Variants in NAALADL2 observed in about 807,000 individuals in gnomAD.
The protein encoded by NAALADL2 is N-acetylated alpha-linked acidic dipeptidase like 2.
A neutral mutation model predicts 87.2 loss-of-function variants in NAALADL2; 76 were observed. The observed-to-expected ratio is 0.87, with a 90% CI of 0.72 to 1.05. The LOEUF (loss-of-function observed/expected upper bound fraction) is 1.05, where lower values mean the gene tolerates loss of function less well. Among genes scored for constraint, NAALADL2 ranks in the 50% least tolerant of loss-of-function variants. NAALADL2 has a pLI of 0.00. For missense variants in NAALADL2, 1,089 were observed against 945.8 expected (o/e 1.15, Z -1.99); for synonymous variants, 354 against 331.0 (o/e 1.07, Z -0.75).
intron 3 of NAALADL2, among the ~76,000 whole-genome samples, chr3:174,818,139 T>C (rs890665113): frequency 2.0e-5 from 3 of 152,158 alleles, no homozygotes; most frequent in African/African-American, 7.2e-5. Flanking sequence ...CTTTACCCCG[T>C]TGTGTCCTTC....
chr3:174,958,077 C>T (rs184334039), intron 1 of NAALADL2, among the ~76,000 whole-genome samples: 18 of 151,942 alleles, frequency 1.2e-4, no homozygotes, highest in African/African-American at 4.1e-4. Flanking sequence ...AGTCCATCCT[C>T]CCCTCCGGAA....
In NAALADL2 at chr3:174,464,802, G is replaced by A. The variant is rs146642899; in HGVS notation, c.-184+23770G>A. 1.7e-3 allele frequency among the ~76,000 whole-genome samples: 262 copies of A among 152,014 alleles called. 1 individual carries two copies. Among genetic ancestry groups the A allele is most frequent in the African/African-American group, 6.2e-3 (256 of 41,518 alleles). On this transcript the variant is annotated intron_variant, in intron 1 of 3. Transcript: ENST00000434257. Reference sequence around the variant, plus strand: ...TTTCAGGTAGATAACAGTACTCTAAGATGTCCTATTAGGATTCACTCTTCA... The same window carrying A: ...TTTCAGGTAGATAACAGTACTCTAAAATGTCCTATTAGGATTCACTCTTCA...
chr3:175,779,522 T>G (rs1750727906), intron 13 of NAALADL2, among the ~76,000 whole-genome samples: 1 of 152,230 alleles, frequency 6.6e-6, no homozygotes, highest in South Asian at 2.1e-4. Flanking sequence ...TAATGTATTC[T>G]TCATAGCATT....
At chr3:175,631,504 A>C (rs1353974651) in intron 11 of NAALADL2, among the ~76,000 whole-genome samples, 2 of 147,896 alleles carry the variant, frequency 1.4e-5, no homozygotes, top group African/African-American at 2.5e-5. Context: ...TCTTTTTGAT[A>C]TAAAGCATGA....
chr3:174,778,471 G>GTTAT lies in NAALADL2; in HGVS notation c.-9+40742_-9+40745dup, dbSNP rs928284262. 2.7e-4 allele frequency among the ~76,000 whole-genome samples: 41 copies of GTTAT among 151,936 alleles called. 1 individual carries two copies. Among genetic ancestry groups the GTTAT allele is most frequent in the Admixed American group, 7.9e-4 (12 of 15,210 alleles). Reference sequence around the variant, plus strand: ...CTCTGCACCAGGTTTGGGTTAGGATGTTATTTATTTATTTATTTATGTTTA... The same window carrying GTTAT: ...CTCTGCACCAGGTTTGGGTTAGGATGTTATTTATTTATTTATTTATTTATGTTTA... On this transcript the variant is annotated intron_variant, in intron 3 of 3. Coordinates refer to the NAALADL2 transcript ENST00000434257.
chr3:174,498,386 T>G (rs996810967), intron 1 of NAALADL2, among the ~76,000 whole-genome samples: 1 of 152,060 alleles, frequency 6.6e-6, no homozygotes, highest in South Asian at 2.1e-4. Context: ...TTTTGTGGAG[T>G]AGTATTCCAT....
intron 3 of NAALADL2, among the ~76,000 whole-genome samples, chr3:174,747,962 C>G (rs892964020): frequency 1.3e-5 from 2 of 152,042 alleles, no homozygotes; most frequent in African/African-American, 4.8e-5. Context: ...ATATTTACAC[C>G]ATGGAATACT....
At chr3:175,094,106 T>C (rs556768178) in intron 1 of NAALADL2, among the ~76,000 whole-genome samples, 68 of 144,704 alleles carry the variant, frequency 4.7e-4, no homozygotes, top group Non-Finnish European at 8.8e-4. Context: ...TAAACCAAGC[T>C]CTACGATTCA....
At chr3:174,722,133 G>GTATC in intron 2 of NAALADL2, among the ~76,000 whole-genome samples, 1 of 152,212 alleles carries the variant, frequency 6.6e-6, no homozygotes, top group South Asian at 2.1e-4. Flanking sequence ...ACCTGTAACA[G>GTATC]TATCTCCTCC....
intron 9 of NAALADL2, among the ~76,000 whole-genome samples, chr3:175,505,060 C>T (rs927694455): frequency 1.3e-5 from 2 of 152,144 alleles, no homozygotes; most frequent in African/African-American, 2.4e-5. Context: ...CAATTCCTGT[C>T]TCTCAAACTC....
At chr3:174,757,492 C>A (rs936492426) in intron 3 of NAALADL2, among the ~76,000 whole-genome samples, 7 of 151,722 alleles carry the variant, frequency 4.6e-5, no homozygotes, top group Middle Eastern at 3.4e-3. Context: ...ATAGAGATAA[C>A]TTTTCTTTTT....
At chr3:174,955,830 C>T (rs532387128) in intron 1 of NAALADL2, among the ~76,000 whole-genome samples, 6 of 152,100 alleles carry the variant, frequency 3.9e-5, no homozygotes, top group South Asian at 2.1e-4. Context: ...TATTAGGCCT[C>T]GCTGGGGTGG....
At chr3:175,368,167 T>G (rs1361217601) in intron 5 of NAALADL2, among the ~76,000 whole-genome samples, 2 of 152,320 alleles carry the variant, frequency 1.3e-5, no homozygotes, top group East Asian at 3.9e-4. Context: ...TTTATTGATT[T>G]GCGTATATTG....
chr3:175,627,367 T>G lies in NAALADL2; in HGVS notation c.1877T>G (p.Leu626Arg). The change falls in exon 11 of 14, where the codon CTT (leucine) becomes CGT (arginine). Residue 626 changes from leucine (L) to arginine (R), a missense_variant. Leu to Arg is a moderately radical substitution (Grantham distance 102). Coordinates refer to ENST00000454872, the MANE Select transcript of NAALADL2 (RefSeq NM_207015.3). ...KIEEMDPSFN[L>R]HETITKLSGE... ...GAAGAAATGGATCCCTCTTTCAACC[T>G]TCATGAAACCATTACTAAGGTAGGG... 1 of 1,560,420 alleles carries G rather than the reference T, an allele frequency of 6.4e-7. No individual in the cohort carries two copies. The highest frequency in any genetic ancestry group is 8.7e-7 in the Non-Finnish European group (1 of 1,149,664).
chr3:175,597,060 A>C (rs1288536742), intron 10 of NAALADL2, among the ~76,000 whole-genome samples: 1 of 151,976 alleles, frequency 6.6e-6, no homozygotes, highest in Non-Finnish European at 1.5e-5. Flanking sequence ...CTTTAGAGAG[A>C]ATGCATAATG....
At chr3:175,289,772 G>A (rs1755423893) in intron 4 of NAALADL2, among the ~76,000 whole-genome samples, 1 of 152,000 alleles carries the variant, frequency 6.6e-6, no homozygotes, top group Admixed American at 6.6e-5. Context: ...TCCTGCCTGG[G>A]CAACATAGAG....
At chr3:174,936,462 T>G (rs1259356030) in intron 1 of NAALADL2, among the ~76,000 whole-genome samples, 1 of 152,062 alleles carries the variant, frequency 6.6e-6, no homozygotes, top group East Asian at 1.9e-4. Context: ...TTGAAGCAGA[T>G]AAAAAGATTT....
At chr3:175,265,428 T>A (rs959363516) in intron 4 of NAALADL2, among the ~76,000 whole-genome samples, 4 of 151,670 alleles carry the variant, frequency 2.6e-5, no homozygotes, top group Admixed American at 1.3e-4. Context: ...TTTAAAAGAA[T>A]TAACTTGAGG....
At chr3:174,692,959 C>CTTTTTTTTTTTTTTTTT (rs1728716460) in intron 2 of NAALADL2, among the ~76,000 whole-genome samples, 1 of 149,886 alleles carries the variant, frequency 6.7e-6, no homozygotes, top group Non-Finnish European at 1.5e-5. Flanking sequence ...TCATACCTTT[C>CTTTTTTTTTTTTTTTTT]TTGAGATTCA....
Sources: gnomAD v4.1 joint callset for allele counts (sites outside exome capture counted in the v4.1 genomes callset) on GRCh38, gnomAD v4.1.1 for gene constraint, MANE v1.5 for transcripts, NCBI Gene and HGNC (gene_info 2026-07-23, HGNC 2026-07-21) for gene names.